NRXN1: variants seen among roughly 807,000 people sequenced by gnomAD.
NRXN1 encodes neurexin-1.
In NRXN1, 39 loss-of-function variants were observed where a neutral mutation model predicts 150.9. The observed-to-expected ratio is 0.26, with a 90% CI of 0.20 to 0.34. NRXN1 has a LOEUF of 0.34. Among genes scored for constraint, NRXN1 ranks in the 10% least tolerant of loss-of-function variants. The pLI is 1.00. For missense variants in NRXN1, 1,815 were observed against 1,949.9 expected, an observed-to-expected ratio of 0.93 and a Z score of 1.30; for synonymous variants, 924 against 757.0, an observed-to-expected ratio of 1.22 and a Z score of -3.62.
rs1217516339 is a variant in NRXN1 at position 50,773,713 on chromosome 2, C to A, written c.832+148156G>T. On this transcript the variant is annotated intron_variant, in intron 5 of 22. Coordinates refer to ENST00000401669, the MANE Select transcript of NRXN1 (RefSeq NM_001330078.2). ...TTTTGACCTCAAAATCCAGTTGGGA[C>A]AGGGTTGGGGGATGGCAGAAGCAAT... is the stretch of plus-strand genomic sequence containing the variant. Among the ~76,000 whole-genome samples, 3 of 152,130 alleles carry A rather than the reference C, an allele frequency of 2.0e-5. No homozygotes were observed. The East Asian group carries it at 5.8e-4, about 29-fold the overall frequency.
intron 17 of NRXN1, among the ~76,000 whole-genome samples, chr2:50,441,923 A>G (rs1300721442): frequency 6.6e-6 from 1 of 152,188 alleles, no homozygotes; most frequent in Non-Finnish European, 1.5e-5. Context: ...TCATGGGATG[A>G]TATGATAAAC....
rs189028774 is a variant in NRXN1 at position 50,222,435 on chromosome 2, A to G, written c.3546+14354T>C. Among the ~76,000 whole-genome samples, 10 of 152,120 alleles carry G rather than the reference A, an allele frequency of 6.6e-5. No individual in the cohort carries two copies. The East Asian group carries it at 1.6e-3, about 24-fold the overall frequency. ...TTATATGAAAACACTCCAGTTTGTGATATCTTCATACACTGCTGGTGGGAG... is the reference window on the plus strand; with the variant it reads ...TTATATGAAAACACTCCAGTTTGTGGTATCTTCATACACTGCTGGTGGGAG... On this transcript the variant is annotated intron_variant, in intron 18 of 22. Transcript: ENST00000401669.
At position 49,947,026 on chromosome 2, in the gene NRXN1, A is replaced by G. The variant is rs147653372; in HGVS notation, c.4129-3235T>C. 2.6e-5 allele frequency among the ~76,000 whole-genome samples: 4 copies of G among 152,280 alleles called. No individual in the cohort carries two copies. The East Asian group carries it at 7.7e-4, about 29-fold the overall frequency. ...TGGCACAACTACATCTTGCTGGGTA[A>G]TATACAAACAGACTTGATAATGACG... On this transcript the variant is annotated intron_variant, in intron 21 of 22. Transcript: ENST00000401669.
chr2:50,047,027 T>C (rs1234976997), intron 21 of NRXN1, among the ~76,000 whole-genome samples: 1 of 152,198 alleles, frequency 6.6e-6, no homozygotes, highest in African/African-American at 2.4e-5. Flanking sequence ...AGAATGTATA[T>C]GGATGCATTA....
chr2:50,204,731 T>A (rs1366827256), intron 18 of NRXN1, among the ~76,000 whole-genome samples: 1 of 152,056 alleles, frequency 6.6e-6, no homozygotes, highest in Non-Finnish European at 1.5e-5. Context: ...ATTTGGATTA[T>A]TTTTGGCCAA....
chr2:50,416,222 G>C (rs2083531136), intron 17 of NRXN1, among the ~76,000 whole-genome samples: 1 of 152,076 alleles, frequency 6.6e-6, no homozygotes, highest in African/African-American at 2.4e-5. Context: ...ATTGGAAGTG[G>C]TGGAAGTGAT....
chr2:50,226,238 C>G (rs1053008756), intron 18 of NRXN1, among the ~76,000 whole-genome samples: 3 of 151,918 alleles, frequency 2.0e-5, no homozygotes, highest in Non-Finnish European at 4.4e-5. Context: ...AAACTTAGAA[C>G]AGTTATGAGA....
chr2:50,047,942 A>G (rs571962431), intron 21 of NRXN1, among the ~76,000 whole-genome samples: 1 of 152,264 alleles, frequency 6.6e-6, no homozygotes, highest in African/African-American at 2.4e-5. Context: ...TTTATCTCGG[A>G]CTAGCTTTGT....
Position 50,347,309 on chromosome 2 carries a change from G to A in NRXN1, c.3365-110339C>T, listed in dbSNP as rs201117870. Reference sequence around the variant, plus strand: ...TTTCGGGCGAGAGTGCGTGCCGGCGGGTGGGGGGCCGAGAAATTGTTTAAA... The same window carrying A: ...TTTCGGGCGAGAGTGCGTGCCGGCGAGTGGGGGGCCGAGAAATTGTTTAAA... On this transcript the variant is annotated intron_variant, in intron 17 of 22. Coordinates refer to ENST00000401669, the MANE Select transcript of NRXN1 (RefSeq NM_001330078.2). The surrounding 1 kb of genome is among the most constrained non-coding windows in gnomAD (Gnocchi z 4.9). 46 of 1,265,774 alleles carry A rather than the reference G, an allele frequency of 3.6e-5. No individual in the cohort carries two copies. Among genetic ancestry groups the A allele is most frequent in the Non-Finnish European group, 4.7e-5 (46 of 979,444 alleles). The allele number at this position is 1,265,774 out of a possible 1,614,324, so 78.4% of individuals were successfully genotyped here.
At chr2:51,012,776 T>C (rs566400401) in intron 2 of NRXN1, among the ~76,000 whole-genome samples, 1 of 152,192 alleles carries the variant, frequency 6.6e-6, no homozygotes, top group African/African-American at 2.4e-5. Flanking sequence ...TTTGTGTAAC[T>C]GGCTTTCCTG....
rs1435642999 is a variant in NRXN1 at position 50,276,005 on chromosome 2, C to G, written c.3365-39035G>C. ...TACCTTGCAAAAAAAAAAAAAAAGCCCAGTCTGCAATTTTGCTGGTTAATT... is the reference window on the plus strand; with the variant it reads ...TACCTTGCAAAAAAAAAAAAAAAGCGCAGTCTGCAATTTTGCTGGTTAATT... On this transcript the variant is annotated intron_variant, in intron 17 of 22. Coordinates refer to ENST00000401669, the MANE Select transcript of NRXN1 (RefSeq NM_001330078.2). 4.8e-5 allele frequency among the ~76,000 whole-genome samples: 7 copies of G among 144,830 alleles called. No individual in the cohort carries two copies. The East Asian group carries it at 7.9e-4, about 16-fold the overall frequency.
chr2:50,863,693 C>T (rs1676470035), intron 5 of NRXN1, among the ~76,000 whole-genome samples: 1 of 151,832 alleles, frequency 6.6e-6, no homozygotes, highest in Non-Finnish European at 1.5e-5. Flanking sequence ...CTACAGCTTC[C>T]CCTCCTCTCC....
intron 17 of NRXN1, among the ~76,000 whole-genome samples, chr2:50,373,181 CCT>C (rs1331785326): frequency 6.6e-6 from 1 of 151,722 alleles, no homozygotes; most frequent in Non-Finnish European, 1.5e-5. Context: ...TGCCTGGTTC[CCT>C]GTGAGCCAAA....
At chr2:50,646,078 A>G (rs1278229957) in intron 5 of NRXN1, among the ~76,000 whole-genome samples, 1 of 151,976 alleles carries the variant, frequency 6.6e-6, no homozygotes, top group Admixed American at 6.6e-5. Context: ...GGAACATTCC[A>G]GGCATCCACA....
At chr2:50,251,124 GC>G (rs2067024490) in intron 17 of NRXN1, among the ~76,000 whole-genome samples, 2 of 151,018 alleles carry the variant, frequency 1.3e-5, no homozygotes, top group African/African-American at 2.4e-5. Context: ...GCATCTATTA[GC>G]CCATCACCTA....
chr2:50,181,635 T>C, intron 18 of NRXN1, among the ~76,000 whole-genome samples: 1 of 152,154 alleles, frequency 6.6e-6, no homozygotes, highest in East Asian at 1.9e-4. Flanking sequence ...AGGACTTTTT[T>C]TTAATCGTTC....
chr2:50,773,311 T>A (rs1703231967), intron 5 of NRXN1, among the ~76,000 whole-genome samples: 1 of 152,298 alleles, frequency 6.6e-6, no homozygotes, highest in African/African-American at 2.4e-5. Flanking sequence ...ACATTCTGTT[T>A]TGTTTGTTAA....
intron 21 of NRXN1, among the ~76,000 whole-genome samples, chr2:50,049,215 A>G (rs1692308251): frequency 6.6e-6 from 1 of 152,186 alleles, no homozygotes; most frequent in African/African-American, 2.4e-5. Context: ...AACATCAGGT[A>G]TGCACAGGTA....
intron 15 of NRXN1, among the ~76,000 whole-genome samples, chr2:50,474,683 C>CAA (rs754558377): frequency 0.034 from 1,847 of 54,892 alleles, 140 homozygotes; most frequent in Non-Finnish European, 0.039. Flanking sequence ...ACAGAAATAG[C>CAA]AAAAAAAAAA....
Sources: allele counts gnomAD v4.1 joint callset (sites outside exome capture counted in the v4.1 genomes callset), GRCh38; gene constraint gnomAD v4.1.1; non-coding constraint Gnocchi (gnomAD v3.1); transcripts MANE v1.5; gene names NCBI Gene and HGNC (gene_info 2026-07-23, HGNC 2026-07-21).